The following ABCG2 variants were observed in gnomAD, a reference collection of about 807,000 sequenced individuals.
ABCG2 encodes broad substrate specificity ATP-binding cassette transporter ABCG2.
Under a neutral mutation model 73.5 loss-of-function variants are expected in ABCG2, and 80 were observed. The ratio of observed to expected loss-of-function variants is 1.09; its 90% CI spans 0.91 to 1.31. The LOEUF is 1.31. Among genes scored for constraint, ABCG2 ranks in the 50% most tolerant of loss-of-function variants. ABCG2 has a pLI of 0.00. For synonymous variants in ABCG2, 269 were observed against 282.4 expected (o/e 0.95, Z 0.48); for missense variants, 796 against 786.2 (o/e 1.01, Z -0.15).
At chr4:88,207,606 A>G (rs1434954107) in intron 1 of ABCG2, among the ~76,000 whole-genome samples, 1 of 152,124 alleles carries the variant, frequency 6.6e-6, no homozygotes, top group Non-Finnish European at 1.5e-5. Flanking sequence ...GTGCAGTGGC[A>G]TAATCTCAGC....
chr4:88,130,027 T>C (rs777958430), intron 5 of ABCG2, among the ~76,000 whole-genome samples: 29 of 151,960 alleles, frequency 1.9e-4, no homozygotes, highest in Admixed American at 1.5e-3. Context: ...GACAAAACTA[T>C]TAAAAGAAAG....
intron 1 of ABCG2, among the ~76,000 whole-genome samples, chr4:88,140,665 G>A (rs529736267): frequency 1.3e-4 from 20 of 152,040 alleles, no homozygotes; most frequent in African/African-American, 3.9e-4. Flanking sequence ...TTTTAATTGC[G>A]GAGTTTATAG....
chr4:88,126,955 T>C (rs6832558), intron 5 of ABCG2, among the ~76,000 whole-genome samples: 149,490 of 152,236 alleles, frequency 0.98, 73,462 homozygotes, highest in East Asian at 1. Context: ...AGAAATAAAG[T>C]GTATTCAAAT....
At chr4:88,209,010 A>G (rs1729484357) in intron 1 of ABCG2, among the ~76,000 whole-genome samples, 1 of 151,490 alleles carries the variant, frequency 6.6e-6, no homozygotes, top group South Asian at 2.1e-4. Context: ...AAAAAAAACA[A>G]AACAAAACAG....
At chr4:88,100,261 C>A (rs185306288) in intron 11 of ABCG2, among the ~76,000 whole-genome samples, 1 of 151,318 alleles carries the variant, frequency 6.6e-6, no homozygotes, top group South Asian at 2.1e-4. Flanking sequence ...GTGCTTTGGG[C>A]GGCCAAAGGG....
chr4:88,180,567 T>G (rs1728191069), intron 1 of ABCG2, among the ~76,000 whole-genome samples: 1 of 152,060 alleles, frequency 6.6e-6, no homozygotes, highest in Non-Finnish European at 1.5e-5. Context: ...AGACCTTGCC[T>G]CTACAAAAAA....
intron 5 of ABCG2, among the ~76,000 whole-genome samples, chr4:88,124,863 A>G (rs992464602): frequency 6.6e-6 from 1 of 152,240 alleles, no homozygotes; most frequent in Non-Finnish European, 1.5e-5. Context: ...CATTCTTCTC[A>G]GCACCACACA....
intron 1 of ABCG2, among the ~76,000 whole-genome samples, chr4:88,193,478 C>T (rs1728792435): frequency 6.6e-6 from 1 of 152,006 alleles, no homozygotes; most frequent in South Asian, 2.1e-4. Flanking sequence ...AATTTTAGCA[C>T]CTAAAGTACT....
At chr4:88,121,484 T>C in intron 6 of ABCG2, 151 bp downstream of exon 6, 1 of 812,218 alleles carries the variant, frequency 1.2e-6, no homozygotes, top group Non-Finnish European at 1.9e-6. Context: ...TTTGTTTTTC[T>C]TGATAATGCT....
At chr4:88,224,805 A>G (rs1730143163) in intron 1 of ABCG2, among the ~76,000 whole-genome samples, 1 of 152,254 alleles carries the variant, frequency 6.6e-6, no homozygotes, top group South Asian at 2.1e-4. Context: ...GCGTTCCCCT[A>G]CGTTATCTTC....
At chr4:88,110,257 C>T (rs1723043956) in intron 9 of ABCG2, among the ~76,000 whole-genome samples, 1 of 151,762 alleles carries the variant, frequency 6.6e-6, no homozygotes, top group Non-Finnish European at 1.5e-5. Context: ...AAGATAGGGT[C>T]TTGGCCAGGC....
In ABCG2 at chr4:88,131,182, C is replaced by T. The variant is rs748501399; in HGVS notation, c.410G>A (p.Arg137Lys). Reference sequence around the variant, plus strand: ...AGCTGCTGAGAACTGTAAGTTTTCTCTCACCGTCAGAGTGCCCATCACAAC... The same window carrying T: ...AGCTGCTGAGAACTGTAAGTTTTCTTTCACCGTCAGAGTGCCCATCACAAC... The part of the protein sequence containing the change: ...DDVVMGTLTV[R>K]ENLQFSAALR... Residue 137 changes from arginine (R) to lysine (K), a missense_variant, in exon 5 of 16, where the codon AGA (arginine) becomes AAA (lysine). Physicochemically the swap from Arg to Lys is conservative, Grantham distance 26 (BLOSUM62 2). Coordinates refer to ENST00000237612, the MANE Select transcript of ABCG2 (RefSeq NM_004827.3). 8.7e-6 allele frequency: 14 copies of T among 1,613,880 alleles called. No homozygotes were observed. The South Asian group carries it at 1.5e-4, about 18-fold the overall frequency.
At chr4:88,196,900 A>G (rs980616236) in intron 1 of ABCG2, among the ~76,000 whole-genome samples, 2 of 152,070 alleles carry the variant, frequency 1.3e-5, no homozygotes, top group African/African-American at 2.4e-5. Context: ...AAGATAAACT[A>G]TCTTATCAGA....
chr4:88,168,987 C>T (rs539860565), intron 1 of ABCG2, among the ~76,000 whole-genome samples: 3 of 151,852 alleles, frequency 2.0e-5, no homozygotes, highest in Non-Finnish European at 4.4e-5. Flanking sequence ...TCCATTCTGA[C>T]TTCTATCATT....
At chr4:88,092,598 T>C (rs1201792013) in intron 15 of ABCG2, among the ~76,000 whole-genome samples, 1 of 152,184 alleles carries the variant, frequency 6.6e-6, no homozygotes, top group Non-Finnish European at 1.5e-5. Context: ...AACAATCCAA[T>C]GTGATAGACA....
Position 88,180,581 on chromosome 4 carries a change from T to A in ABCG2, c.-19-40567A>T, listed in dbSNP as rs1039085419. On this transcript the variant is annotated intron_variant, in intron 1 of 15. Transcript: ENST00000515655. ...GAGACCTTGCCTCTACAAAAAAAAA[T>A]TTTAAATTTTTAAATTTTTTTATGG... Among the ~76,000 whole-genome samples the A allele has an allele frequency of 7.2e-5, 11 of 151,894 alleles. No individual in the cohort carries two copies. The South Asian group carries it at 1.0e-3, about 14-fold the overall frequency.
chr4:88,196,935 G>A (rs1288724314), intron 1 of ABCG2, among the ~76,000 whole-genome samples: 1 of 151,856 alleles, frequency 6.6e-6, no homozygotes, highest in African/African-American at 2.4e-5. Context: ...GGTTTTATGG[G>A]CACTTAAATG....
intron 6 of ABCG2, among the ~76,000 whole-genome samples, chr4:88,120,515 TG>T (rs1356831426): frequency 6.6e-6 from 1 of 152,180 alleles, no homozygotes; most frequent in Non-Finnish European, 1.5e-5. Flanking sequence ...GCCCACCTCT[TG>T]CATCAGTGTG....
intron 1 of ABCG2, among the ~76,000 whole-genome samples, chr4:88,228,474 C>T (rs35892152): frequency 0.067 from 10,241 of 152,278 alleles, 433 homozygotes; most frequent in Non-Finnish European, 0.1. Flanking sequence ...ACCTGCCATC[C>T]GCTGTTGGGT....
Sources: allele counts gnomAD v4.1 joint callset (sites outside exome capture counted in the v4.1 genomes callset), GRCh38; gene constraint gnomAD v4.1.1; transcripts MANE v1.5; gene names NCBI Gene and HGNC (gene_info 2026-07-23, HGNC 2026-07-21).